The following TENM4 variants were observed in gnomAD, a reference collection of about 807,000 sequenced individuals.
The protein encoded by TENM4 is teneurin-4.
In TENM4, 82 loss-of-function variants were observed where a neutral mutation model predicts 243.3. The observed-to-expected ratio is 0.34, with a 90% CI of 0.28 to 0.40. TENM4 has a LOEUF of 0.40. Among genes scored for constraint, TENM4 ranks in the 10% least tolerant of loss-of-function variants. The probability of loss-of-function intolerance (pLI) is 1.00; values close to 1 mark genes in which losing one functional copy is unlikely to be tolerated. For missense variants in TENM4, 3,138 were observed against 3,673.3 expected, an observed-to-expected ratio of 0.85 and a Z score of 3.77; for synonymous variants, 1,412 against 1,456.3, an observed-to-expected ratio of 0.97 and a Z score of 0.69.
intron 3 of TENM4, among the ~76,000 whole-genome samples, chr11:79,171,961 T>C (rs555463695): frequency 1.3e-5 from 2 of 152,302 alleles, no homozygotes; most frequent in South Asian, 4.1e-4. Context: ...GATTGTTGTT[T>C]GCTTGTTTGA....
intron 2 of TENM4, among the ~76,000 whole-genome samples, chr11:79,243,140 G>T (rs138605063): frequency 6.6e-6 from 1 of 152,082 alleles, no homozygotes; most frequent in Non-Finnish European, 1.5e-5. Context: ...GGCACTGAGG[G>T]GGGCCTTGTG....
At chr11:79,366,751 T>A (rs943539720) in intron 1 of TENM4, among the ~76,000 whole-genome samples, 35 of 152,220 alleles carry the variant, frequency 2.3e-4, no homozygotes, top group Non-Finnish European at 2.9e-5. Context: ...CTTTCTTGTG[T>A]TTCTAGGCCC....
At chr11:78,874,504 T>C (rs1211822968) in intron 9 of TENM4, among the ~76,000 whole-genome samples, 14 of 152,164 alleles carry the variant, frequency 9.2e-5, no homozygotes, top group Admixed American at 9.2e-4. Context: ...AACAATTAGG[T>C]GTATGCATAG....
At chr11:79,008,243 CAG>C (rs1176309512) in intron 6 of TENM4, among the ~76,000 whole-genome samples, 3 of 152,144 alleles carry the variant, frequency 2.0e-5, no homozygotes, top group Non-Finnish European at 2.9e-5. Context: ...GCTCCAGAGA[CAG>C]AGCGATTTCA....
At chr11:79,133,057 C>G (rs1862043318) in intron 4 of TENM4, among the ~76,000 whole-genome samples, 1 of 151,902 alleles carries the variant, frequency 6.6e-6, no homozygotes, top group African/African-American at 2.4e-5. Context: ...ATAAATGAAA[C>G]AAAAAGCTTA....
chr11:79,193,781 G>A (rs1863566063), intron 3 of TENM4, among the ~76,000 whole-genome samples: 1 of 152,150 alleles, frequency 6.6e-6, no homozygotes, highest in South Asian at 2.1e-4. Flanking sequence ...GCTCACAGAG[G>A]TCAGGTGATA....
At chr11:79,306,067 T>C (rs959201880) in intron 1 of TENM4, among the ~76,000 whole-genome samples, 16 of 152,346 alleles carry the variant, frequency 1.1e-4, no homozygotes, top group Non-Finnish European at 1.5e-5. Context: ...CACTCAAGTC[T>C]GGAGCCACGG....
In TENM4 at chr11:78,800,260, C is replaced by A. The variant is rs574970849; in HGVS notation, c.2179+5032G>T. On this transcript the variant is annotated intron_variant, in intron 15 of 33. Coordinates refer to ENST00000278550, the MANE Select transcript of TENM4 (RefSeq NM_001098816.3). ...TGCTCAGCAGTGCTGCTGAGTGTACCCACTTTATGCAAAAGTTGATGAGGC... is the reference window on the plus strand; with the variant it reads ...TGCTCAGCAGTGCTGCTGAGTGTACACACTTTATGCAAAAGTTGATGAGGC... Among the ~76,000 whole-genome samples, 3 of 152,224 alleles carry A rather than the reference C, an allele frequency of 2.0e-5. No individual in the cohort carries two copies. The South Asian group carries it at 6.2e-4, about 32-fold the overall frequency.
At chr11:78,942,498 A>C (rs1477387582) in intron 6 of TENM4, among the ~76,000 whole-genome samples, 1 of 151,246 alleles carries the variant, frequency 6.6e-6, no homozygotes, top group Non-Finnish European at 1.5e-5. Context: ...AAGAAAGTTG[A>C]CTAATTTGTG....
rs1336678164 is a variant in TENM4 at position 78,891,214 on chromosome 11, G to A, written c.848+24C>T. On this transcript the variant is annotated intron_variant, in intron 8 of 33. Coordinates refer to ENST00000278550, the MANE Select transcript of TENM4 (RefSeq NM_001098816.3). Reference sequence around the variant, plus strand: ...GAGCCACAAGGAGAGCACACACAGAGAGGAGAATGGGGATGTCACCTACCC... The same window carrying A: ...GAGCCACAAGGAGAGCACACACAGAAAGGAGAATGGGGATGTCACCTACCC... The A allele has an allele frequency of 7.1e-6, 11 of 1,548,866 alleles. No homozygotes were observed. The East Asian group carries it at 2.4e-4, about 34-fold the overall frequency.
intron 1 of TENM4, among the ~76,000 whole-genome samples, chr11:79,398,519 C>G (rs1030410117): frequency 6.6e-6 from 1 of 152,014 alleles, no homozygotes; most frequent in African/African-American, 2.4e-5. Flanking sequence ...AGTGGTAGCT[C>G]CTCTTCACTG....
At chr11:79,334,335 A>T (rs765680588) in intron 1 of TENM4, among the ~76,000 whole-genome samples, 1 of 152,184 alleles carries the variant, frequency 6.6e-6, no homozygotes. Flanking sequence ...GAGTGCCCTG[A>T]CCTAGGCCAG....
intron 1 of TENM4, among the ~76,000 whole-genome samples, chr11:79,425,143 T>C (rs61884063): frequency 0.063 from 9,627 of 152,196 alleles, 377 homozygotes; most frequent in Middle Eastern, 0.12. Flanking sequence ...CCCAGCTCAC[T>C]CCGCAGGCCC....
At chr11:78,744,612 T>G (rs1243215586) in intron 19 of TENM4, among the ~76,000 whole-genome samples, 3 of 152,236 alleles carry the variant, frequency 2.0e-5, no homozygotes, top group Non-Finnish European at 2.9e-5. Context: ...TGTCTTGGCT[T>G]CACAATTCAG....
At chr11:79,020,968 GCA>G (rs1245295319) in intron 6 of TENM4, among the ~76,000 whole-genome samples, 2 of 152,176 alleles carry the variant, frequency 1.3e-5, no homozygotes, top group African/African-American at 4.8e-5. Flanking sequence ...CTAATAGAAT[GCA>G]CAGTGTTGAA....
chr11:78,890,985 G>A (rs534622453), intron 8 of TENM4, among the ~76,000 whole-genome samples: 75 of 152,222 alleles, frequency 4.9e-4, no homozygotes, highest in Non-Finnish European at 9.7e-4. Context: ...AATGCTATGT[G>A]AGATGGTTTT....
At chr11:79,353,599 C>T (rs906201438) in intron 1 of TENM4, among the ~76,000 whole-genome samples, 168 of 152,160 alleles carry the variant, frequency 1.1e-3, no homozygotes, top group Non-Finnish European at 9.7e-4. Flanking sequence ...TCTGAAGTGA[C>T]GCTTGGTACC....
intron 4 of TENM4, among the ~76,000 whole-genome samples, chr11:79,120,820 T>C (rs895739644): frequency 2.6e-5 from 4 of 152,244 alleles, no homozygotes; most frequent in African/African-American, 4.8e-5. Flanking sequence ...TACTATTATA[T>C]GACAACAAAT....
chr11:78,808,948 C>T (rs2136093795), intron 14 of TENM4, among the ~76,000 whole-genome samples: 1 of 152,318 alleles, frequency 6.6e-6, no homozygotes, highest in South Asian at 2.1e-4. Flanking sequence ...TCCAATTTGA[C>T]AGGAAACAAC....
Sources: allele counts gnomAD v4.1 joint callset (sites outside exome capture counted in the v4.1 genomes callset), GRCh38; gene constraint gnomAD v4.1.1; transcripts MANE v1.5; gene names NCBI Gene and HGNC (gene_info 2026-07-23, HGNC 2026-07-21).